The following RAPGEF5 variants were observed in gnomAD, a reference collection of about 807,000 sequenced individuals.
The protein encoded by RAPGEF5 is Rap guanine nucleotide exchange factor 5, also known as M-Ras-regulated GEF.
In RAPGEF5, 65 loss-of-function variants were observed where a neutral mutation model predicts 125.2. The ratio of observed to expected loss-of-function variants is 0.52; its 90% CI spans 0.43 to 0.64. RAPGEF5 has a LOEUF of 0.64. Ranked by LOEUF, RAPGEF5 falls within the 30% of genes least tolerant of loss-of-function variation. The pLI, the probability that RAPGEF5 is intolerant of heterozygous loss-of-function variation, is 0.00. For synonymous variants in RAPGEF5, 391 were observed against 385.9 expected (o/e 1.01, Z -0.16); for missense variants, 958 against 1,048.1 (o/e 0.91, Z 1.19).
At chr7:22,262,284 C>T (rs1289638690) in intron 7 of RAPGEF5, among the ~76,000 whole-genome samples, 1 of 152,060 alleles carries the variant, frequency 6.6e-6, no homozygotes, top group Non-Finnish European at 1.5e-5. Flanking sequence ...CCAAAAACAA[C>T]ATCCAGATGG....
Position 22,144,402 on chromosome 7 carries a change from C to A in RAPGEF5, c.2186+642G>T, listed in dbSNP as rs193090649. Reference sequence around the variant, plus strand: ...AAGTAGTACCCCTGCATTTGAAAATCGGGTAACTTCAGGAAGGAAGGAATA... The same window carrying A: ...AAGTAGTACCCCTGCATTTGAAAATAGGGTAACTTCAGGAAGGAAGGAATA... On this transcript the variant is annotated intron_variant, in intron 20 of 25. Transcript: ENST00000665637. 1.3e-3 allele frequency among the ~76,000 whole-genome samples: 201 copies of A among 152,282 alleles called. 1 individual carries two copies. Among genetic ancestry groups the A allele is most frequent in the African/African-American group, 4.6e-3 (192 of 41,550 alleles).
chr7:22,125,596 T>A lies in RAPGEF5; in HGVS notation c.2536+8A>T, dbSNP rs779871393. The stretch of plus-strand genomic sequence containing the variant: ...ATTTACATTCCGCACCTGACTTCAA[T>A]TACTCACCAAACTGGTTAGTCCTGC... On this transcript the variant is annotated splice_region_variant and intron_variant, in intron 25 of 25. Transcript: ENST00000665637. 1 of 1,606,756 alleles carries A rather than the reference T, an allele frequency of 6.2e-7. No homozygotes were observed. Among genetic ancestry groups the A allele is most frequent in the South Asian group, 1.1e-5 (1 of 90,928 alleles).
intron 8 of RAPGEF5, among the ~76,000 whole-genome samples, chr7:22,226,308 A>G (rs977458990): frequency 8.5e-5 from 13 of 152,222 alleles, no homozygotes; most frequent in African/African-American, 3.1e-4. Context: ...CTAGAAGTTC[A>G]TATAATTTTT....
intron 17 of RAPGEF5, among the ~76,000 whole-genome samples, chr7:22,151,318 T>TCAA (rs1490733044): frequency 6.6e-6 from 1 of 152,142 alleles, no homozygotes; most frequent in Non-Finnish European, 1.5e-5. Context: ...AATTACTAGG[T>TCAA]CAAAGGGAAT....
intron 23 of RAPGEF5, among the ~76,000 whole-genome samples, chr7:22,135,479 G>A (rs1242946698): frequency 6.6e-6 from 1 of 152,184 alleles, no homozygotes; most frequent in Non-Finnish European, 1.5e-5. Context: ...TTGGTGCTTA[G>A]TGGGGAGTGG....
At chr7:22,131,772 C>T (rs1480672735) in intron 23 of RAPGEF5, among the ~76,000 whole-genome samples, 2 of 152,178 alleles carry the variant, frequency 1.3e-5, no homozygotes, top group African/African-American at 4.8e-5. Flanking sequence ...TGGTTTGAGG[C>T]TCACTGCATT....
At chr7:22,123,825 T>G (rs1042762209) in intron 25 of RAPGEF5, among the ~76,000 whole-genome samples, 1 of 152,246 alleles carries the variant, frequency 6.6e-6, no homozygotes, top group Non-Finnish European at 1.5e-5. Context: ...TAATTTTATG[T>G]TAATTTTCAA....
intron 1 of RAPGEF5, among the ~76,000 whole-genome samples, chr7:22,341,516 A>G (rs1784129089): frequency 6.6e-6 from 1 of 152,236 alleles, no homozygotes; most frequent in African/African-American, 2.4e-5. Context: ...AAAAGTCCAC[A>G]GTCCAAAGTC....
intron 3 of RAPGEF5, among the ~76,000 whole-genome samples, chr7:22,314,976 T>A (rs1420992990): frequency 6.6e-6 from 1 of 152,010 alleles, no homozygotes; most frequent in Non-Finnish European, 1.5e-5. Context: ...ACCTGGAGAG[T>A]TAGAGCATGT....
chr7:22,236,829 T>C (rs1378830006), intron 7 of RAPGEF5, among the ~76,000 whole-genome samples: 1 of 152,232 alleles, frequency 6.6e-6, no homozygotes, highest in Non-Finnish European at 1.5e-5. Context: ...TCAGGCTCCA[T>C]AGCCCCATCC....
At chr7:22,193,287 G>A in intron 11 of RAPGEF5, 80 bp downstream of exon 11, 3 of 1,459,028 alleles carry the variant, frequency 2.1e-6, no homozygotes, top group East Asian at 2.5e-5. Flanking sequence ...TCAGCTAACA[G>A]TGGGAACCTT....
At chr7:22,165,289 A>C (rs546251531) in intron 12 of RAPGEF5, among the ~76,000 whole-genome samples, 5 of 152,336 alleles carry the variant, frequency 3.3e-5, no homozygotes, top group African/African-American at 9.6e-5. Context: ...AATGACAATC[A>C]CAAATAATAT....
intron 7 of RAPGEF5, among the ~76,000 whole-genome samples, chr7:22,257,694 A>C (rs1329807587): frequency 6.6e-6 from 1 of 152,146 alleles, no homozygotes; most frequent in Non-Finnish European, 1.5e-5. Context: ...TAATATTTCC[A>C]TATTTGAATT....
chr7:22,224,404 A>G (rs1785865160), intron 8 of RAPGEF5, among the ~76,000 whole-genome samples: 1 of 152,200 alleles, frequency 6.6e-6, no homozygotes, highest in Admixed American at 6.5e-5. Context: ...ACTTAAATAC[A>G]TTTCTATTAT....
intron 1 of RAPGEF5, among the ~76,000 whole-genome samples, chr7:22,351,203 T>C (rs1784323203): frequency 6.6e-6 from 1 of 152,206 alleles, no homozygotes; most frequent in Admixed American, 6.5e-5. Flanking sequence ...CAGGCTGATC[T>C]TGAGCTATTT....
chr7:22,202,907 C>A, intron 9 of RAPGEF5: 1 of 374,606 alleles, frequency 2.7e-6, no homozygotes. Flanking sequence ...CAGAGAAAGC[C>A]CTCAGTAAAT....
chr7:22,314,540 T>A (rs1783547792), intron 3 of RAPGEF5: 2 of 779,638 alleles, frequency 2.6e-6, no homozygotes, highest in Non-Finnish European at 3.1e-6. Context: ...TTATTTAACA[T>A]AAAGGAATAT....
At chr7:22,208,127 G>A (rs560107077) in intron 9 of RAPGEF5, among the ~76,000 whole-genome samples, 2 of 152,078 alleles carry the variant, frequency 1.3e-5, no homozygotes, top group South Asian at 4.2e-4. Flanking sequence ...GTATCTTTGG[G>A]GCTCACATCA....
chr7:22,138,124 T>A (rs892275812), intron 21 of RAPGEF5, among the ~76,000 whole-genome samples: 1 of 152,094 alleles, frequency 6.6e-6, no homozygotes, highest in Admixed American at 6.5e-5. Flanking sequence ...TTCCAATCTT[T>A]CTTTTAAGCT....
Sources: gnomAD v4.1 joint callset for allele counts (sites outside exome capture counted in the v4.1 genomes callset) on GRCh38, gnomAD v4.1.1 for gene constraint, MANE v1.5 for transcripts, NCBI Gene and HGNC (gene_info 2026-07-23, HGNC 2026-07-21) for gene names.